The following AP3D1 variants were observed in gnomAD, a reference collection of about 807,000 sequenced individuals.
AP3D1 encodes the protein adaptor related protein complex 3 subunit delta 1, also known as AP-3 complex subunit delta-1.
AP3D1 carries 51 observed loss-of-function variants against 147.6 expected under a neutral mutation model. The ratio of observed to expected loss-of-function variants is 0.35; its 90% confidence interval spans 0.28 to 0.44. The LOEUF is 0.44. Among genes scored for constraint, AP3D1 ranks in the 20% least tolerant of loss-of-function variants. The pLI is 1.00. For missense variants in AP3D1, 1,421 were observed against 1,624.2 expected (o/e 0.87, Z 2.15); for synonymous variants, 760 against 663.0 (o/e 1.15, Z -2.25).
intron 9 of AP3D1, among the ~76,000 whole-genome samples, chr19:2,126,475 G>A (rs942165601): frequency 6.6e-6 from 1 of 152,076 alleles, no homozygotes; most frequent in African/African-American, 2.4e-5. Flanking sequence ...TCAATGTAGT[G>A]AAACCCCGTG....
At chr19:2,119,699 CAAAAAAAAAAAA>C (rs954635585) in intron 14 of AP3D1, among the ~76,000 whole-genome samples, 95 of 25,358 alleles carry the variant, frequency 3.7e-3, no homozygotes, top group Non-Finnish European at 5.7e-3. Context: ...GACTCTGTCT[CAAAAAAAAAAAA>C]AAAAAAAAAA....
chr19:2,153,397 C>G (rs989901426), upstream of AP3D1, among the ~76,000 whole-genome samples: 13 of 135,956 alleles, frequency 9.6e-5, no homozygotes, highest in African/African-American at 3.3e-4. Flanking sequence ...GGGGGGGGAC[C>G]GGGCACAGCG....
rs73512353 is a variant in AP3D1, at chr19:2,116,617, T to C, written c.1989A>G (p.Glu663=). The C allele has an allele frequency of 1.2e-3, 1,884 of 1,596,152 alleles. 15 individuals are homozygous for C. In the African/African-American group the frequency reaches 0.021, roughly 18 times the overall value. The change falls in exon 17 of 32, where the codon GAA becomes GAG. Residue 663 remains glutamate, a synonymous_variant. Coordinates refer to ENST00000643116, the MANE Select transcript of AP3D1 (RefSeq NM_001261826.3). ...PKHRPSEADE[E]ELARRREARK... ...GCCAGCAGCTCACCCGAGCCAGCTC[T>C]TCCTCGTCCGCCTCCGACGGCCGGT... is the stretch of plus-strand genomic sequence containing the variant.
At chr19:2,164,382 T>G (rs1202651254) in exon 1 of AP3D1, 6 of 591,810 alleles carry the variant, frequency 1.0e-5, no homozygotes, top group Non-Finnish European at 1.4e-5. Context: ...ACGGAGACCC[T>G]GGACTCCACT....
intron 1 of AP3D1, among the ~76,000 whole-genome samples, chr19:2,143,406 A>T (rs1349900833): frequency 6.6e-6 from 1 of 151,584 alleles, no homozygotes; most frequent in Non-Finnish European, 1.5e-5. Context: ...ATGCCTGGCT[A>T]ATTTTTTGTA....
chr19:2,123,870 G>T lies in AP3D1; in HGVS notation c.866C>A (p.Ser289Ter), dbSNP rs868033109. The T allele has an allele frequency of 6.3e-7, 1 of 1,577,440 alleles. No homozygotes were observed. Among genetic ancestry groups the T allele is most frequent in the Non-Finnish European group, 8.6e-7 (1 of 1,161,808 alleles). ...GTGGTTGGGCATGCCGGAGGACAGC[G>T]AGATGAGCACTGCAACAGACAGCTT... ...CVNTVIAVLI[S>*]LSSGMPNHSA... Residue 289 changes from serine to a stop codon, truncating the protein, a stop_gained, in exon 10 of 32, where the codon TCG becomes TAG. Transcript: ENST00000643116. LOFTEE classifies it high-confidence loss of function.
chr19:2,134,904 G>A (rs948002892), intron 4 of AP3D1, among the ~76,000 whole-genome samples: 22 of 151,102 alleles, frequency 1.5e-4, no homozygotes, highest in Non-Finnish European at 7.4e-5. Flanking sequence ...CCCGGCCCAG[G>A]AAATAATTTT....
At chr19:2,162,369 G>A (rs1487377639) in intron 1 of AP3D1, among the ~76,000 whole-genome samples, 9 of 143,466 alleles carry the variant, frequency 6.3e-5, no homozygotes, top group Non-Finnish European at 7.7e-5. Context: ...TAAAGGGGCC[G>A]GGTGCGGTGG....
intron 21 of AP3D1, 43 bp from the exon 22 acceptor site, chr19:2,114,345 A>AC (rs1421257383): frequency 6.6e-7 from 1 of 1,504,282 alleles, no homozygotes; most frequent in African/African-American, 1.4e-5. Context: ...ACCACTGGCC[A>AC]CCCCCCAGGA....
intron 1 of AP3D1, among the ~76,000 whole-genome samples, chr19:2,143,293 T>G (rs1424747248): frequency 7.7e-6 from 1 of 129,650 alleles, no homozygotes; most frequent in Admixed American, 9.5e-5. Flanking sequence ...CAGGCTGGAG[T>G]GCAGCAGCGC....
At chr19:2,161,927 G>A (rs139414677) in intron 1 of AP3D1, among the ~76,000 whole-genome samples, 4 of 151,638 alleles carry the variant, frequency 2.6e-5, no homozygotes, top group African/African-American at 7.3e-5. Flanking sequence ...CAGCCTAGGC[G>A]AGAGTAAGAC....
In AP3D1 at chr19:2,148,929, G is replaced by C. The variant is rs1387570247; in HGVS notation, c.96+2310C>G. 7.9e-5 allele frequency among the ~76,000 whole-genome samples: 12 copies of C among 152,228 alleles called. No homozygotes were observed. The South Asian group carries it at 2.5e-3, about 31-fold the overall frequency. On this transcript the variant is annotated intron_variant, in intron 1 of 31. Transcript: ENST00000643116. ...GTCTAGAGTCTTTGTTCCGGGTGCA[G>C]TGGGCGGGAGGGAAGAACCTACAAC...
At chr19:2,152,869 CTT>C (rs2019583294), upstream of AP3D1, among the ~76,000 whole-genome samples, 1 of 151,160 alleles carries the variant, frequency 6.6e-6, no homozygotes, top group African/African-American at 2.4e-5. Context: ...GAGCGAGACT[CTT>C]GTCTCAAAAA....
intron 1 of AP3D1, among the ~76,000 whole-genome samples, chr19:2,160,707 C>T (rs549692438): frequency 4.6e-5 from 7 of 152,228 alleles, no homozygotes; most frequent in Admixed American, 4.6e-4. Flanking sequence ...AGATAGAGTG[C>T]CTGCCTACAC....
Position 2,151,277 on chromosome 19 carries a change from C to T in AP3D1, c.58G>A (p.Asp20Asn), listed in dbSNP as rs2019502673. The part of the protein sequence containing the change: ...IDRMFDKNLQ[D>N]LVRGIRNHKE... ...TGGTTACGGATGCCGCGGACCAAGT[C>T]CTGCAGATTCTTGTCGAACATGCGG... Residue 20 changes from aspartate (D) to asparagine (N), a missense_variant, in exon 1 of 32, where the codon GAC becomes AAC. Physicochemically the swap from Asp to Asn is conservative, Grantham distance 23. Around this residue, in one of 6 missense-constraint regions of AP3D1, gnomAD observed 292 missense variants for 412.0 expected, o/e 0.71. Transcript: ENST00000643116. 6.2e-7 allele frequency: 1 copy of T among 1,611,916 alleles called. No individual in the cohort carries two copies. Among genetic ancestry groups the T allele is most frequent in the South Asian group, 1.1e-5 (1 of 90,902 alleles).
chr19:2,118,563 C>A lies in AP3D1; in HGVS notation c.1713+38G>T, dbSNP rs199846169. 626 of 1,576,498 alleles carry A rather than the reference C, an allele frequency of 4.0e-4. 2 individuals carry two copies. The African/African-American group carries it at 7.7e-3, about 19-fold the overall frequency. ...ACTGGACAGAAAGGCACTGAGGGCT[C>A]CCTGAGGCTCGGCCCAACACGGAGT... On this transcript the variant is annotated intron_variant, in intron 15 of 31. Transcript: ENST00000643116.
intron 1 of AP3D1, among the ~76,000 whole-genome samples, chr19:2,148,451 G>A (rs903003966): frequency 1.3e-5 from 2 of 152,196 alleles, no homozygotes; most frequent in Admixed American, 6.5e-5. Context: ...CCTGCACTCT[G>A]GTCTCTTCTA....
intron 8 of AP3D1, among the ~76,000 whole-genome samples, chr19:2,128,399 G>T (rs1168997408): frequency 1.3e-5 from 2 of 151,970 alleles, no homozygotes. Flanking sequence ...TTCACGCCCA[G>T]CCCCCGCTGT....
chr19:2,162,555 G>T (rs1444704324), intron 1 of AP3D1, among the ~76,000 whole-genome samples: 3 of 151,378 alleles, frequency 2.0e-5, no homozygotes, highest in Admixed American at 6.6e-5. Flanking sequence ...CAGCTACTCG[G>T]GAGGCTGAGG....
Sources: allele counts gnomAD v4.1 joint callset (sites outside exome capture counted in the v4.1 genomes callset), GRCh38; gene constraint gnomAD v4.1.1; regional missense constraint gnomAD v4.1.1; transcripts MANE v1.5; gene names NCBI Gene and HGNC (gene_info 2026-07-23, HGNC 2026-07-21).